CTPS1: variants seen among roughly 807,000 people sequenced by gnomAD.
CTPS1 encodes the protein CTP synthetase 1.
In CTPS1, 25 loss-of-function variants were observed where a neutral mutation model predicts 80.5. The observed-to-expected ratio is 0.31, with a 90% CI of 0.23 to 0.43. CTPS1 has a LOEUF of 0.43. CTPS1 is among the 20% of genes least tolerant of loss of function. The pLI, the probability that CTPS1 is intolerant of heterozygous loss-of-function variation, is 1.00. For synonymous variants in CTPS1, 267 were observed against 252.5 expected, an observed-to-expected ratio of 1.06 and a Z score of -0.54; for missense variants, 442 against 725.7, an observed-to-expected ratio of 0.61 and a Z score of 4.49.
At position 40,991,195 on chromosome 1, in the gene CTPS1, C is replaced by T. The variant is rs1642600970; in HGVS notation, c.586C>T (p.Pro196Ser). ...TTCAACAGGGGAACAGAAGACTAAA[C>T]CTACCCAGAATAGTGTTCGGGAACT... ...PSSTGEQKTKPTQNSVRELRG... is the reference protein window; with the variant it reads ...PSSTGEQKTKSTQNSVRELRG... Residue 196 changes from proline (P) to serine (S), a missense_variant, in exon 6 of 19, where the codon CCT (proline) becomes TCT (serine). Pro to Ser is a moderately conservative substitution (Grantham distance 74). This residue lies in a region of CTPS1 where 27 missense variants were observed against 83.6 expected (regional missense o/e 0.32). Coordinates refer to ENST00000650070, the MANE Select transcript of CTPS1 (RefSeq NM_001905.4). The T allele has an allele frequency of 6.3e-7, 1 of 1,589,564 alleles. No individual in the cohort carries two copies. Among genetic ancestry groups the T allele is most frequent in the Non-Finnish European group, 8.5e-7 (1 of 1,173,600 alleles).
Position 41,003,139 on chromosome 1 carries a change from A to G in CTPS1, c.1215A>G (p.Ala405=), listed in dbSNP as rs765973099. Residue 405 remains alanine (A), a synonymous_variant, in exon 12 of 19, where the codon GCA becomes GCG. Coordinates refer to ENST00000650070, the MANE Select transcript of CTPS1 (RefSeq NM_001905.4). ...FLGVCLGMQL[A]VVEFSRNVLG... is the part of the protein sequence containing the mutation. Reference sequence around the variant, plus strand: ...GCGTGTGCTTAGGGATGCAGTTGGCAGTGGTTGAATTCTCAAGAAACGTGC... The same window carrying G: ...GCGTGTGCTTAGGGATGCAGTTGGCGGTGGTTGAATTCTCAAGAAACGTGC... 1.2e-6 allele frequency: 2 copies of G among 1,614,122 alleles called. No homozygotes were observed. Among genetic ancestry groups the G allele is most frequent in the Non-Finnish European group, 8.5e-7 (1 of 1,180,022 alleles).
chr1:41,010,881 A>G (rs1324039652), intron 18 of CTPS1, among the ~76,000 whole-genome samples: 1 of 152,232 alleles, frequency 6.6e-6, no homozygotes, highest in Non-Finnish European at 1.5e-5. Context: ...CGAAATGTAA[A>G]TGTCCTTTGA....
intron 10 of CTPS1, among the ~76,000 whole-genome samples, chr1:41,001,921 A>G (rs1289861059): frequency 6.6e-6 from 1 of 152,252 alleles, no homozygotes; most frequent in Non-Finnish European, 1.5e-5. Flanking sequence ...CAGTATTACA[A>G]TTATGTATAC....
chr1:40,988,572 T>C (rs1322849816), intron 4 of CTPS1, 22 bp from the exon 5 acceptor site: 5 of 1,575,426 alleles, frequency 3.2e-6, no homozygotes, highest in Non-Finnish European at 8.7e-7. Flanking sequence ...GCCTAACCTC[T>C]GAAACAACTT....
At chr1:40,999,804 C>G (rs973792229) in intron 9 of CTPS1, among the ~76,000 whole-genome samples, 2 of 152,126 alleles carry the variant, frequency 1.3e-5, no homozygotes, top group Non-Finnish European at 2.9e-5. Context: ...GTCAATGGAT[C>G]AATTTGTAAT....
rs767739876 is a variant in CTPS1 at position 40,987,341 on chromosome 1, G to T, written c.338-31G>T. On this transcript the variant is annotated intron_variant, in intron 3 of 18. Coordinates refer to ENST00000650070, the MANE Select transcript of CTPS1 (RefSeq NM_001905.4). Reference sequence around the variant, plus strand: ...TCTCAATCAATGTAGATGGACAAGCGTAAGTTCCCTGTTTGTTTTCTTTTT... The same window carrying T: ...TCTCAATCAATGTAGATGGACAAGCTTAAGTTCCCTGTTTGTTTTCTTTTT... 1.5e-5 allele frequency: 22 copies of T among 1,511,116 alleles called. No homozygotes were observed. In the Admixed American group the frequency reaches 3.2e-4, roughly 22 times the overall value. 93.6% of individuals were successfully genotyped at this position (1,511,116 alleles called of 1,614,324 possible). A position where few individuals can be genotyped will look rare whatever the true frequency, so the allele number is the denominator to read the frequency against.
Position 40,995,943 on chromosome 1 carries a change from C to T in CTPS1, c.747C>T (p.Ser249=). The T allele has an allele frequency of 6.2e-7, 1 of 1,614,172 alleles. No homozygotes were observed. The highest frequency in any genetic ancestry group is 8.5e-7 in the Non-Finnish European group (1 of 1,180,016). The change falls in exon 8 of 19, where the codon TCC becomes TCT. Residue 249 remains serine (S), a synonymous_variant. Coordinates refer to ENST00000650070, the MANE Select transcript of CTPS1 (RefSeq NM_001905.4). ...EQVICVHDVS[S]IYRVPLLLEE... ...TGATCTGTGTCCACGATGTCTCATC[C>T]ATCTACCGAGTCCCCTTGTTGTTAG...
Position 40,988,639 on chromosome 1 carries a change from G to A in CTPS1, c.484G>A (p.Ala162Thr). 6.2e-7 allele frequency: 1 copy of A among 1,614,104 alleles called. No homozygotes were observed. The highest frequency in any genetic ancestry group is 8.5e-7 in the Non-Finnish European group (1 of 1,180,002). ...CATAGAAAGCATGCCCTTTATTGAG[G>A]CCTTCCGTCAGTTCCAATTCAAGGT... ...GDIESMPFIE[A>T]FRQFQFKVKR... Residue 162 changes from alanine to threonine, a missense_variant, in exon 5 of 19, where the codon GCC becomes ACC. Transcript: ENST00000650070.
intron 5 of CTPS1, among the ~76,000 whole-genome samples, chr1:40,989,374 G>A (rs185869603): frequency 5.9e-5 from 9 of 152,316 alleles, no homozygotes; most frequent in East Asian, 1.9e-4. Flanking sequence ...TAATGTTAAC[G>A]CTGTTGACAG....
At chr1:40,987,164 C>T (rs1017273911) in intron 3 of CTPS1, among the ~76,000 whole-genome samples, 8 of 152,164 alleles carry the variant, frequency 5.3e-5, no homozygotes, top group Admixed American at 2.6e-4. Context: ...GCAGGGCTTC[C>T]AGCAACAACT....
intron 7 of CTPS1, among the ~76,000 whole-genome samples, chr1:40,992,335 C>T (rs1642632072): frequency 6.6e-6 from 1 of 152,116 alleles, no homozygotes; most frequent in South Asian, 2.1e-4. Context: ...CTGATGGGCC[C>T]ATCTTTCTGG....
chr1:41,006,787 G>A (rs778498668), intron 13 of CTPS1, among the ~76,000 whole-genome samples: 3 of 152,232 alleles, frequency 2.0e-5, no homozygotes, highest in Non-Finnish European at 4.4e-5. Context: ...TGAGGACACC[G>A]TGCTAAATGA....
chr1:40,987,050 A>G (rs1271768510), intron 3 of CTPS1, among the ~76,000 whole-genome samples: 1 of 152,134 alleles, frequency 6.6e-6, no homozygotes, highest in Non-Finnish European at 1.5e-5. Flanking sequence ...TTCAGCTGTG[A>G]GCAATAGGGT....
chr1:41,007,620 C>T lies in CTPS1; in HGVS notation c.1393+75C>T. On this transcript the variant is annotated intron_variant, in intron 14 of 18. Transcript: ENST00000650070. The surrounding 1 kb of genome is among the most constrained non-coding windows in gnomAD (Gnocchi z 4.4). ...CGCGTGTCTTAGGGTGATGCTGTGG[C>T]TTCGAGGAGCAGGCTGGCTTTTTTT... The T allele has an allele frequency of 7.9e-7, 1 of 1,272,858 alleles. No homozygotes were observed. Among genetic ancestry groups the T allele is most frequent in the South Asian group, 1.2e-5 (1 of 82,158 alleles). The allele number at this position is 1,272,858 out of a possible 1,614,324, so 78.8% of individuals were successfully genotyped here.
rs1051571575 is a variant in CTPS1 at position 40,981,636 on chromosome 1, G to T, written c.-13-1642G>T. 9.2e-5 allele frequency among the ~76,000 whole-genome samples: 14 copies of T among 152,284 alleles called. 1 individual carries two copies. The highest frequency in any genetic ancestry group is 7.8e-4 in the Admixed American group (12 of 15,300). On this transcript the variant is annotated intron_variant, in intron 1 of 18. Coordinates refer to ENST00000650070, the MANE Select transcript of CTPS1 (RefSeq NM_001905.4). ...TACTGTATAGCAGTGATCACAGTGCGAGTTTACTTGCTAAACACTCCCAGG... is the reference window on the plus strand; with the variant it reads ...TACTGTATAGCAGTGATCACAGTGCTAGTTTACTTGCTAAACACTCCCAGG...
intron 4 of CTPS1, among the ~76,000 whole-genome samples, chr1:40,987,726 G>A (rs982096392): frequency 6.6e-6 from 1 of 152,134 alleles, no homozygotes; most frequent in Non-Finnish European, 1.5e-5. Flanking sequence ...CATGAGTAGT[G>A]TGACACATTT....
chr1:40,996,310 T>C (rs72942623), intron 8 of CTPS1, among the ~76,000 whole-genome samples: 4,327 of 152,286 alleles, frequency 0.028, 196 homozygotes, highest in African/African-American at 0.099. Flanking sequence ...GTTCGGGTTA[T>C]GTCTTAACAC....
intron 9 of CTPS1, among the ~76,000 whole-genome samples, chr1:40,999,180 G>A (rs1013116524): frequency 3.3e-5 from 5 of 152,174 alleles, no homozygotes; most frequent in Admixed American, 6.5e-5. Context: ...GAGAAGGCTC[G>A]GAAGGGGCAT....
chr1:40,983,480 A>G (rs959515210), intron 2 of CTPS1, 24 bp downstream of exon 2: 2 of 1,573,824 alleles, frequency 1.3e-6, no homozygotes, highest in African/African-American at 1.4e-5. Flanking sequence ...ATTTCTTCAT[A>G]ATAATTGCAT....
Sources: allele counts gnomAD v4.1 joint callset (sites outside exome capture counted in the v4.1 genomes callset), GRCh38; gene constraint gnomAD v4.1.1; regional missense constraint gnomAD v4.1.1; non-coding constraint Gnocchi (gnomAD v3.1); transcripts MANE v1.5; gene names NCBI Gene and HGNC (gene_info 2026-07-23, HGNC 2026-07-21).